C8orf89: variants seen among roughly 807,000 people sequenced by gnomAD.
The protein encoded by C8orf89 is putative uncharacterized protein C8orf89.
A neutral mutation model predicts 15.8 loss-of-function variants in C8orf89; 14 were observed. That is an observed-to-expected ratio of 0.89 (90% CI 0.59 to 1.39). The LOEUF (loss-of-function observed/expected upper bound fraction) is 1.39. Among genes scored for constraint, C8orf89 ranks in the 40% most tolerant of loss-of-function variants. C8orf89 has a pLI of 0.00. For synonymous variants in C8orf89, 55 were observed against 62.2 expected, an observed-to-expected ratio of 0.88 and a Z score of 0.54; for missense variants, 181 against 184.5, an observed-to-expected ratio of 0.98 and a Z score of 0.11.
the C8orf89 span, among the ~76,000 whole-genome samples, chr8:73,281,522 T>C: frequency 2.9e-4 from 44 of 152,220 alleles, no homozygotes; most frequent in Admixed American, 1.1e-3. Flanking sequence ...ACATGGTCTA[T>C]GGGAGGTAGT....
In C8orf89 at chr8:73,258,530, T is replaced by A. The variant is rs774623666; in HGVS notation, c.127+802A>T. ...GGGGGAATAACTATTAATATACTCA[T>A]CTACATGTCAAAAGTTATCAAACTA... On this transcript the variant is annotated intron_variant, in intron 1 of 3. Transcript: ENST00000624510. 5.0e-4 allele frequency among the ~76,000 whole-genome samples: 76 copies of A among 151,764 alleles called. 1 individual carries two copies. The highest frequency in any genetic ancestry group is 1.7e-3 in the African/African-American group (70 of 41,318).
At chr8:73,243,516 A>G (rs1404893478) in intron 3 of C8orf89, among the ~76,000 whole-genome samples, 1 of 152,072 alleles carries the variant, frequency 6.6e-6, no homozygotes, top group Non-Finnish European at 1.5e-5. Flanking sequence ...TGCCATGTTT[A>G]CTTTCTTTTT....
intron 3 of C8orf89, 150 bp downstream of exon 3, chr8:73,250,118 T>C (rs570004640): frequency 1.8e-6 from 1 of 571,376 alleles, no homozygotes; most frequent in Admixed American, 3.2e-5. Flanking sequence ...GAACCCAACA[T>C]CCACTTAGTT....
chr8:73,247,802 T>C (rs1228195836), intron 3 of C8orf89, among the ~76,000 whole-genome samples: 1 of 152,216 alleles, frequency 6.6e-6, no homozygotes, highest in Non-Finnish European at 1.5e-5. Context: ...ATTTTTTTCT[T>C]GTAAATTGTT....
the C8orf89 span, among the ~76,000 whole-genome samples, chr8:73,270,816 C>T: frequency 1.5e-4 from 23 of 152,228 alleles, no homozygotes; most frequent in Non-Finnish European, 2.4e-4. Context: ...TTAGGAAAAA[C>T]ACTTGCAAAG....
chr8:73,277,908 C>T, the C8orf89 span: 1 of 678,352 alleles, frequency 1.5e-6, no homozygotes, highest in Non-Finnish European at 2.8e-6. Flanking sequence ...TCCAGGTACT[C>T]CAGTGCCGCT....
the C8orf89 span, among the ~76,000 whole-genome samples, chr8:73,283,470 C>T: frequency 3.3e-5 from 5 of 152,156 alleles, no homozygotes; most frequent in Non-Finnish European, 7.3e-5. Flanking sequence ...GAAAATAATT[C>T]TGCCTCTGAC....
the C8orf89 span, among the ~76,000 whole-genome samples, chr8:73,285,466 G>A: frequency 2.6e-5 from 4 of 152,162 alleles, no homozygotes; most frequent in African/African-American, 9.7e-5. Flanking sequence ...GTGCCTCTCT[G>A]AGCCTTAGTG....
chr8:73,284,931 T>C, the C8orf89 span, among the ~76,000 whole-genome samples: 2 of 152,248 alleles, frequency 1.3e-5, no homozygotes, highest in Non-Finnish European at 2.9e-5. Context: ...TTATGATGTC[T>C]ATGAACCCAA....
the C8orf89 span, among the ~76,000 whole-genome samples, chr8:73,285,008 G>C: frequency 2.6e-5 from 4 of 152,184 alleles, no homozygotes; most frequent in African/African-American, 9.7e-5. Context: ...ATAATTTCTA[G>C]AATGTTTAAC....
the C8orf89 span, among the ~76,000 whole-genome samples, chr8:73,281,851 C>A: frequency 6.6e-6 from 1 of 152,182 alleles, no homozygotes; most frequent in Non-Finnish European, 1.5e-5. Context: ...TGTAACACTG[C>A]AAGAAGCTTC....
At chr8:73,254,210 GT>G (rs2130273620) in intron 2 of C8orf89, among the ~76,000 whole-genome samples, 1 of 152,054 alleles carries the variant, frequency 6.6e-6, no homozygotes, top group East Asian at 1.9e-4. Flanking sequence ...TTTGTCTTTG[GT>G]TCTGTTTATA....
At chr8:73,262,517 T>A (rs188570752), upstream of C8orf89, among the ~76,000 whole-genome samples, 71 of 152,026 alleles carry the variant, frequency 4.7e-4, no homozygotes, top group Admixed American at 2.4e-3. Flanking sequence ...TAAAAAAAAA[T>A]TTTTTTAAGT....
chr8:73,243,499 T>C (rs1015832439), intron 3 of C8orf89, among the ~76,000 whole-genome samples: 4 of 152,182 alleles, frequency 2.6e-5, no homozygotes, highest in African/African-American at 9.7e-5. Context: ...ATATTTTGAA[T>C]TAAAAATGCC....
the C8orf89 span, among the ~76,000 whole-genome samples, chr8:73,283,168 A>G: frequency 6.6e-6 from 1 of 152,244 alleles, no homozygotes; most frequent in African/African-American, 2.4e-5. Context: ...GGAAGAAGAA[A>G]AGGCAGAGAA....
At chr8:73,282,594 T>C in the C8orf89 span, among the ~76,000 whole-genome samples, 3 of 152,246 alleles carry the variant, frequency 2.0e-5, no homozygotes, top group African/African-American at 4.8e-5. Context: ...CAAATCTGAA[T>C]GCTGGACAAA....
chr8:73,260,856 G>A (rs1174312891), upstream of C8orf89, among the ~76,000 whole-genome samples: 1 of 152,202 alleles, frequency 6.6e-6, no homozygotes, highest in African/African-American at 2.4e-5. Context: ...CAGTGGACTG[G>A]GAGAGGCAGA....
At chr8:73,242,222 G>C (rs1813022707) in intron 3 of C8orf89, among the ~76,000 whole-genome samples, 1 of 152,142 alleles carries the variant, frequency 6.6e-6, no homozygotes, top group Non-Finnish European at 1.5e-5. Context: ...TACAGAATGG[G>C]AGAAAATATT....
the C8orf89 span, among the ~76,000 whole-genome samples, chr8:73,276,805 A>ATTTTTT: frequency 0.022 from 1,967 of 87,524 alleles, 127 homozygotes; most frequent in South Asian, 0.029. Flanking sequence ...CACAGCAGTC[A>ATTTTTT]TTTTTTTTTT....
Sources: gnomAD v4.1 joint callset for allele counts (sites outside exome capture counted in the v4.1 genomes callset) on GRCh38, gnomAD v4.1.1 for gene constraint, MANE v1.5 for transcripts, NCBI Gene and HGNC (gene_info 2026-07-23, HGNC 2026-07-21) for gene names.